Variants in PRKN observed in about 807,000 individuals in gnomAD.
PRKN encodes the protein parkin RBR E3 ubiquitin protein ligase, also known as E3 ubiquitin-protein ligase parkin.
PRKN carries 56 observed loss-of-function variants against 59.5 expected under a neutral mutation model. The observed-to-expected ratio is 0.94, with a 90% confidence interval of 0.76 to 1.18. The LOEUF (loss-of-function observed/expected upper bound fraction) is 1.18, where lower values mean the gene tolerates loss of function less well. Ranked by LOEUF, PRKN falls within the 50% of genes most tolerant of loss-of-function variation. PRKN has a pLI of 0.00. For synonymous variants in PRKN, 250 were observed against 222.1 expected, an observed-to-expected ratio of 1.13 and a Z score of -1.12; for missense variants, 657 against 596.4, an observed-to-expected ratio of 1.10 and a Z score of -1.06.
In PRKN at chr6:162,695,744, C is replaced by CA. The variant is rs913813995; in HGVS notation, c.7+31917dup. Among the ~76,000 whole-genome samples, 55 of 152,058 alleles carry CA rather than the reference C, an allele frequency of 3.6e-4. 4 individuals are homozygous for CA. The highest frequency in any genetic ancestry group is 3.5e-3 in the Admixed American group (54 of 15,272). ...TTAAGAAATAATTTCCAAATCTGAG[C>CA]AAAAATAATTGGGCCTTGGTTGGAA... On this transcript the variant is annotated intron_variant, in intron 1 of 11. Coordinates refer to ENST00000366898, the MANE Select transcript of PRKN (RefSeq NM_004562.3).
intron 1 of PRKN, among the ~76,000 whole-genome samples, chr6:162,541,930 C>A (rs1778940779): frequency 6.6e-6 from 1 of 152,096 alleles, no homozygotes; most frequent in Non-Finnish European, 1.5e-5. Flanking sequence ...GTATGGGCGT[C>A]CTATGACTAT....
rs118013949 is a variant in PRKN at position 161,376,942 on chromosome 6, C to T, written c.1167+9852G>A. Among the ~76,000 whole-genome samples the T allele has an allele frequency of 0.012, 1,763 of 152,322 alleles. 28 individuals are homozygous for T. Among genetic ancestry groups the T allele is most frequent in the Non-Finnish European group, 0.019 (1,300 of 68,030 alleles). On this transcript the variant is annotated intron_variant, in intron 10 of 11. Coordinates refer to ENST00000366898, the MANE Select transcript of PRKN (RefSeq NM_004562.3). This position sits in a 1 kb window ranked among gnomAD's most constrained non-coding sequence, Gnocchi z 7.3. The stretch of plus-strand genomic sequence containing the variant: ...ATGGAGTTAGAGCTGGAATCCCTCC[C>T]GCCAGTGGCCAAAGAGGAGCCTGTC...
At chr6:162,611,035 G>T (rs577578588) in intron 1 of PRKN, among the ~76,000 whole-genome samples, 1 of 152,148 alleles carries the variant, frequency 6.6e-6, no homozygotes, top group African/African-American at 2.4e-5. Flanking sequence ...TTTATTTTTT[G>T]TATATCAGAA....
At chr6:162,131,710 T>C (rs1215549009) in intron 4 of PRKN, among the ~76,000 whole-genome samples, 2 of 152,208 alleles carry the variant, frequency 1.3e-5, no homozygotes, top group East Asian at 1.9e-4. Flanking sequence ...GAAACAAGCC[T>C]TAAATTTTTC....
intron 1 of PRKN, among the ~76,000 whole-genome samples, chr6:162,527,356 C>T (rs969713900): frequency 3.3e-5 from 5 of 152,118 alleles, no homozygotes; most frequent in African/African-American, 7.2e-5. Context: ...ATGCAAAAAC[C>T]GTTTTCACCA....
At chr6:162,727,573 G>T (rs550065161) in intron 1 of PRKN, 89 bp downstream of exon 1, 10 of 1,364,652 alleles carry the variant, frequency 7.3e-6, no homozygotes, top group South Asian at 1.2e-5. Context: ...AGTTGGCACC[G>T]GGGGTCCTGG....
chr6:161,982,065 A>G (rs1781278663), intron 5 of PRKN, among the ~76,000 whole-genome samples: 2 of 152,140 alleles, frequency 1.3e-5, no homozygotes, highest in South Asian at 4.1e-4. Flanking sequence ...AACAACCCAC[A>G]TCCGCCCCTT....
At chr6:162,130,552 G>A (rs1562530604) in intron 4 of PRKN, among the ~76,000 whole-genome samples, 1 of 152,128 alleles carries the variant, frequency 6.6e-6, no homozygotes, top group Non-Finnish European at 1.5e-5. Context: ...ACATTGGGAG[G>A]TGCCCAGGAA....
chr6:162,710,260 T>C (rs912727400), intron 1 of PRKN, among the ~76,000 whole-genome samples: 6 of 151,908 alleles, frequency 3.9e-5, no homozygotes, highest in Admixed American at 3.3e-4. Context: ...TCATACTACC[T>C]GATCCCTCCC....
chr6:162,101,013 T>G (rs1441428476), intron 4 of PRKN, among the ~76,000 whole-genome samples: 1 of 152,158 alleles, frequency 6.6e-6, no homozygotes, highest in Non-Finnish European at 1.5e-5. Context: ...GGCAAATATT[T>G]TCTGCCATTT....
rs963528433 is a variant in PRKN at position 161,576,318 on chromosome 6, T to C, written c.872-6902A>G. ...TTCTCCGTAGCCAATACTTGCTGTC[T>C]CAAGATATCCTAAGCCAGTTAAGGA... On this transcript the variant is annotated intron_variant, in intron 7 of 11. Transcript: ENST00000366898. This position sits in a 1 kb window ranked among gnomAD's most constrained non-coding sequence, Gnocchi z 4.6. 6.6e-6 allele frequency among the ~76,000 whole-genome samples: 1 copy of C among 152,248 alleles called. No homozygotes were observed. The highest frequency in any genetic ancestry group is 1.5e-5 in the Non-Finnish European group (1 of 68,052).
chr6:162,438,501 C>T (rs1789891624), intron 2 of PRKN, among the ~76,000 whole-genome samples: 1 of 124,376 alleles, frequency 8.0e-6, no homozygotes, highest in Non-Finnish European at 1.6e-5. Context: ...TTTTCTTTAT[C>T]TAAAAAAAAA....
chr6:161,918,483 A>G (rs1778659855), intron 6 of PRKN, among the ~76,000 whole-genome samples: 1 of 152,178 alleles, frequency 6.6e-6, no homozygotes, highest in African/African-American at 2.4e-5. Flanking sequence ...TATACAATGA[A>G]ACAGAGATTG....
At chr6:162,534,455 G>A (rs116524549) in intron 1 of PRKN, among the ~76,000 whole-genome samples, 260 of 152,110 alleles carry the variant, frequency 1.7e-3, no homozygotes, top group African/African-American at 6.0e-3. Context: ...AACTTGGCAC[G>A]GTGCTTTGCA....
chr6:162,552,462 T>C (rs866754622), intron 1 of PRKN, among the ~76,000 whole-genome samples: 3 of 152,130 alleles, frequency 2.0e-5, no homozygotes, highest in Middle Eastern at 3.4e-3. Context: ...ATGGATTGGA[T>C]GTGGGAGTGT....
In PRKN at chr6:161,475,721, C is replaced by T. The variant is rs116831969; in HGVS notation, c.1083+73133G>A. Among the ~76,000 whole-genome samples, 28 of 152,038 alleles carry T rather than the reference C, an allele frequency of 1.8e-4. No individual in the cohort carries two copies. The Middle Eastern group carries it at 0.01, about 55-fold the overall frequency. ...AACTCCTGAGCTCAAGGAATCTGCT[C>T]GCCTCGGTCTCCCAAAGTGCTGGGA... On this transcript the variant is annotated intron_variant, in intron 9 of 11. Coordinates refer to ENST00000366898, the MANE Select transcript of PRKN (RefSeq NM_004562.3). This position sits in a 1 kb window ranked among gnomAD's most constrained non-coding sequence, Gnocchi z 5.3.
At chr6:161,986,994 T>A (rs1033264278) in intron 5 of PRKN, among the ~76,000 whole-genome samples, 6 of 152,194 alleles carry the variant, frequency 3.9e-5, no homozygotes, top group Non-Finnish European at 7.3e-5. Flanking sequence ...GAATCTAAAC[T>A]TTTTTCGTTC....
intron 7 of PRKN, among the ~76,000 whole-genome samples, chr6:161,767,985 T>A (rs1196675507): frequency 6.6e-6 from 1 of 152,192 alleles, no homozygotes; most frequent in Admixed American, 6.5e-5. Flanking sequence ...GTATCAAAAA[T>A]TTATGTTTTC....
At chr6:162,703,146 T>G (rs1778218754) in intron 1 of PRKN, among the ~76,000 whole-genome samples, 1 of 152,180 alleles carries the variant, frequency 6.6e-6, no homozygotes, top group African/African-American at 2.4e-5. Flanking sequence ...AAACTTACTT[T>G]AGTATTGGAC....
Sources: gnomAD v4.1 joint callset for allele counts (sites outside exome capture counted in the v4.1 genomes callset) on GRCh38, gnomAD v4.1.1 for gene constraint, Gnocchi (gnomAD v3.1) non-coding constraint, MANE v1.5 for transcripts, NCBI Gene and HGNC (gene_info 2026-07-23, HGNC 2026-07-21) for gene names.